Variants in COL23A1 observed in about 807,000 individuals in gnomAD.
COL23A1 encodes the protein collagen type XXIII alpha 1 chain.
Under a neutral mutation model 99.3 loss-of-function variants are expected in COL23A1, and 97 were observed. The observed-to-expected ratio is 0.98, with a 90% CI of 0.83 to 1.16. COL23A1 has a LOEUF of 1.16. COL23A1 is among the 50% of genes most tolerant of loss of function. The pLI, the probability that COL23A1 is intolerant of heterozygous loss-of-function variation, is 0.00. For synonymous variants in COL23A1, 320 were observed against 308.2 expected (o/e 1.04, Z -0.40); for missense variants, 762 against 757.4 (o/e 1.01, Z -0.07).
At chr5:178,394,388 T>C (rs1314554921) in intron 2 of COL23A1, among the ~76,000 whole-genome samples, 5 of 150,180 alleles carry the variant, frequency 3.3e-5, no homozygotes, top group Non-Finnish European at 7.4e-5. Flanking sequence ...GCATAGGGCC[T>C]GCAGCCCCAC....
intron 2 of COL23A1, among the ~76,000 whole-genome samples, chr5:178,425,518 A>G (rs1248567503): frequency 6.6e-6 from 1 of 152,084 alleles, no homozygotes. Flanking sequence ...CCTCTGTTTC[A>G]GTTTCCTCAT....
At chr5:178,573,847 A>G (rs1172049614) in intron 1 of COL23A1, among the ~76,000 whole-genome samples, 1 of 142,426 alleles carries the variant, frequency 7.0e-6, no homozygotes, top group Non-Finnish European at 1.5e-5. Context: ...GACATACCAT[A>G]CCATAGGGTT....
At chr5:178,261,428 A>T (rs903134435) in intron 11 of COL23A1, among the ~76,000 whole-genome samples, 8 of 146,876 alleles carry the variant, frequency 5.4e-5, no homozygotes, top group Admixed American at 1.4e-4. Flanking sequence ...ATAGAAAATT[A>T]AAAAAAAAAA....
At chr5:178,258,247 A>G (rs1045557782) in intron 12 of COL23A1, among the ~76,000 whole-genome samples, 2 of 95,132 alleles carry the variant, frequency 2.1e-5, no homozygotes, top group Non-Finnish European at 4.3e-5. Flanking sequence ...ATATATATAT[A>G]TATATATATA....
At chr5:178,358,521 A>G (rs890328241) in intron 2 of COL23A1, among the ~76,000 whole-genome samples, 5 of 120,094 alleles carry the variant, frequency 4.2e-5, no homozygotes, top group African/African-American at 6.9e-5. Context: ...GTATGTGTGT[A>G]TGTATGTCTA....
At chr5:178,299,764 A>G (rs1581107361) in intron 3 of COL23A1, among the ~76,000 whole-genome samples, 1 of 146,830 alleles carries the variant, frequency 6.8e-6, no homozygotes, top group Non-Finnish European at 1.5e-5. Context: ...TTATTTACTT[A>G]TTTATTTGAG....
intron 2 of COL23A1, among the ~76,000 whole-genome samples, chr5:178,472,049 T>C (rs2546639): frequency 0.79 from 120,248 of 151,754 alleles, 48,995 homozygotes; most frequent in Non-Finnish European, 0.9. Context: ...CCCGGTGCTG[T>C]GGGAGCTCAA....
intron 12 of COL23A1, among the ~76,000 whole-genome samples, chr5:178,258,913 C>CTTT (rs35156759): frequency 7.7e-5 from 9 of 117,586 alleles, no homozygotes; most frequent in Admixed American, 1.7e-4. Flanking sequence ...CCAGGGTGGT[C>CTTT]TTTTTTTTTT....
chr5:178,359,528 CA>C (rs1177389970), intron 2 of COL23A1, among the ~76,000 whole-genome samples: 1 of 151,614 alleles, frequency 6.6e-6, no homozygotes, highest in East Asian at 1.9e-4. Context: ...ACTCTTGTCT[CA>C]AAAAAAAGAT....
At chr5:178,500,424 CA>C (rs770679841) in intron 2 of COL23A1, among the ~76,000 whole-genome samples, 12 of 65,684 alleles carry the variant, frequency 1.8e-4, no homozygotes, top group Middle Eastern at 0.012. Context: ...CCCATCTCTA[CA>C]AAAAAAAAAA....
intron 2 of COL23A1, among the ~76,000 whole-genome samples, chr5:178,530,458 T>C (rs1760581421): frequency 6.6e-6 from 1 of 151,772 alleles, no homozygotes; most frequent in South Asian, 2.1e-4. Context: ...AAAGACCTGT[T>C]TCAAAAAAAA....
intron 16 of COL23A1, 50 bp downstream of exon 16, chr5:178,254,899 T>C: frequency 1.3e-6 from 2 of 1,507,664 alleles, no homozygotes; most frequent in Non-Finnish European, 1.8e-6. Flanking sequence ...GATTATTCCC[T>C]AAGGAAAAAT....
chr5:178,553,365 C>T (rs1015065688), intron 2 of COL23A1, among the ~76,000 whole-genome samples: 6 of 152,156 alleles, frequency 3.9e-5, no homozygotes, highest in East Asian at 1.9e-4. Context: ...GTGCTTTCTA[C>T]GGTCCTAAGT....
Position 178,248,179 on chromosome 5 carries a change from C to T in COL23A1, c.1212+13G>A, listed in dbSNP as rs184631227. 598 of 1,567,602 alleles carry T rather than the reference C, an allele frequency of 3.8e-4. 3 individuals are homozygous for T. In the East Asian group the frequency reaches 8.0e-3, roughly 21 times the overall value. On this transcript the variant is annotated intron_variant, in intron 20 of 28. Transcript: ENST00000390654. ...GTGTTGGGGGAAGCCCTGACCCCCC[C>T]ATACCCCCTTACCAGGCTCTCCTGT...
At chr5:178,345,889 T>C (rs6601232) in intron 2 of COL23A1, among the ~76,000 whole-genome samples, 32,101 of 152,060 alleles carry the variant, frequency 0.21, 3,917 homozygotes, top group African/African-American at 0.32. Flanking sequence ...TGGGAGGACA[T>C]GGTCATTCAC....
rs534980621 is a variant in COL23A1 at position 178,280,002 on chromosome 5, C to T, written c.441+8322G>A. ...GACCCCTGGATGTGTTTCCTGCTAC[C>T]GTATCCCAAATGCCGAAGCGCCTCG... On this transcript the variant is annotated intron_variant, in intron 5 of 28. Coordinates refer to ENST00000390654, the MANE Select transcript of COL23A1 (RefSeq NM_173465.4). This position sits in a 1 kb window ranked among gnomAD's most constrained non-coding sequence, Gnocchi z 4.9. 4.6e-5 allele frequency among the ~76,000 whole-genome samples: 7 copies of T among 152,376 alleles called. No individual in the cohort carries two copies. Among genetic ancestry groups the T allele is most frequent in the Admixed American group, 6.5e-5 (1 of 15,310 alleles).
chr5:178,298,454 G>A (rs1757864600), intron 3 of COL23A1, among the ~76,000 whole-genome samples: 2 of 152,214 alleles, frequency 1.3e-5, no homozygotes. Context: ...ATGGGGAGGA[G>A]TCTTTCCCAT....
At chr5:178,505,544 C>G (rs1001113994) in intron 2 of COL23A1, among the ~76,000 whole-genome samples, 1 of 152,148 alleles carries the variant, frequency 6.6e-6, no homozygotes, top group African/African-American at 2.4e-5. Context: ...AGCCACCATG[C>G]CCCTGCCTAA....
rs111865644 is a variant in COL23A1 at position 178,365,439 on chromosome 5, C to T, written c.362-58520G>A. On this transcript the variant is annotated intron_variant, in intron 2 of 28. Transcript: ENST00000390654. The surrounding 1 kb of genome is among the most constrained non-coding windows in gnomAD (Gnocchi z 5.2). ...GGACACTCACGCATTTCAGGTCTGACGGGTACCCGCCACCCAATCCCTCTT... is the reference window on the plus strand; with the variant it reads ...GGACACTCACGCATTTCAGGTCTGATGGGTACCCGCCACCCAATCCCTCTT... Among the ~76,000 whole-genome samples the T allele has an allele frequency of 2.3e-4, 35 of 152,122 alleles. No individual in the cohort carries two copies. The highest frequency in any genetic ancestry group is 7.9e-4 in the African/African-American group (33 of 41,520).
Sources: allele counts gnomAD v4.1 joint callset (sites outside exome capture counted in the v4.1 genomes callset), GRCh38; gene constraint gnomAD v4.1.1; non-coding constraint Gnocchi (gnomAD v3.1); transcripts MANE v1.5; gene names NCBI Gene and HGNC (gene_info 2026-07-23, HGNC 2026-07-21).